ARMC3: variants seen among roughly 807,000 people sequenced by gnomAD.
The protein encoded by ARMC3 is armadillo repeat-containing protein 3.
Under a neutral mutation model 90.3 loss-of-function variants are expected in ARMC3, and 74 were observed. The ratio of observed to expected loss-of-function variants is 0.82; its 90% CI spans 0.68 to 0.99. The LOEUF is 0.99. Among genes scored for constraint, ARMC3 ranks in the 50% least tolerant of loss-of-function variants. ARMC3 has a pLI of 0.00. For missense variants in ARMC3, 958 were observed against 1,042.8 expected (o/e 0.92, Z 1.12); for synonymous variants, 334 against 361.8 (o/e 0.92, Z 0.87).
chr10:22,981,394 T>C lies in ARMC3; in HGVS notation c.971T>C (p.Leu324Pro), dbSNP rs902928866. The change falls in exon 9 of 19, where the codon CTT becomes CCT. Residue 324 changes from leucine to proline, a missense_variant. Coordinates refer to ENST00000298032, the MANE Select transcript of ARMC3 (RefSeq NM_173081.5). ...EQEVEKCLVA[L>P]LGSENDGTKI... The stretch of plus-strand genomic sequence containing the variant: ...GAGGTTGAAAAGTGCCTTGTAGCCC[T>C]TTTGGGTTCTGAAAATGATGGAACT... 2.5e-6 allele frequency: 4 copies of C among 1,613,568 alleles called. No homozygotes were observed. The highest frequency in any genetic ancestry group is 3.4e-6 in the Non-Finnish European group (4 of 1,179,792).
rs1836713878 is a variant in ARMC3, at chr10:22,991,657, G to A, written c.1176-6491G>A. 4.6e-5 allele frequency among the ~76,000 whole-genome samples: 7 copies of A among 152,270 alleles called. No individual in the cohort carries two copies. The Middle Eastern group carries it at 0.02, about 444-fold the overall frequency. ...TTACAGTATAGGTAAACTTCAAACA[G>A]CACAATGTGGAAAGAGGGCCATGGC... On this transcript the variant is annotated intron_variant, in intron 10 of 18. Transcript: ENST00000298032.
chr10:23,031,767 A>G (rs903120621), intron 17 of ARMC3, among the ~76,000 whole-genome samples: 1 of 152,128 alleles, frequency 6.6e-6, no homozygotes, highest in Non-Finnish European at 1.5e-5. Context: ...GGCCACACCA[A>G]GATACAAAGA....
At chr10:22,970,383 G>A (rs930874733) in intron 8 of ARMC3, among the ~76,000 whole-genome samples, 15 of 152,212 alleles carry the variant, frequency 9.9e-5, no homozygotes, top group African/African-American at 2.9e-4. Context: ...AGAACACTGA[G>A]CGCTCAGGCT....
chr10:22,967,269 A>G (rs907463490), intron 7 of ARMC3, among the ~76,000 whole-genome samples: 8 of 152,182 alleles, frequency 5.3e-5, no homozygotes, highest in Admixed American at 4.6e-4. Context: ...TCATATAAAA[A>G]GTACTTTCAC....
chr10:23,037,511 A>C lies in ARMC3; in HGVS notation c.*32A>C. On this transcript the variant is annotated 3_prime_UTR_variant, in exon 19 of 19. Coordinates refer to ENST00000298032, the MANE Select transcript of ARMC3 (RefSeq NM_173081.5). ...AGACGAACACAAGAGAGGCTCAAAC[A>C]AGAAATTCACTGTGTACACTCTCTA... The C allele has an allele frequency of 6.3e-7, 1 of 1,575,798 alleles. No homozygotes were observed. Among genetic ancestry groups the C allele is most frequent in the Non-Finnish European group, 8.7e-7 (1 of 1,151,948 alleles).
At position 22,931,984 on chromosome 10, in the gene ARMC3, A is replaced by G; in HGVS notation, c.-1-12A>G. 2 of 1,603,044 alleles carry G rather than the reference A, an allele frequency of 1.2e-6. No individual in the cohort carries two copies. Among genetic ancestry groups the G allele is most frequent in the Non-Finnish European group, 1.7e-6 (2 of 1,174,578 alleles). ...AAATGTCACTTTAACCATATATTGC[A>G]TCTTTTTCCAGGATGGGTAAAAAGA... On this transcript the variant is annotated splice_polypyrimidine_tract_variant and intron_variant, in intron 1 of 18. Coordinates refer to ENST00000298032, the MANE Select transcript of ARMC3 (RefSeq NM_173081.5).
intron 7 of ARMC3, among the ~76,000 whole-genome samples, chr10:22,963,975 G>A (rs938411814): frequency 9.0e-5 from 12 of 133,816 alleles, no homozygotes; most frequent in East Asian, 7.0e-4. Flanking sequence ...AAAGGAAGCC[G>A]TAAAACTGTA....
At chr10:23,015,186 A>C (rs1000931496) in intron 16 of ARMC3, among the ~76,000 whole-genome samples, 12 of 152,098 alleles carry the variant, frequency 7.9e-5, no homozygotes, top group Non-Finnish European at 1.6e-4. Flanking sequence ...TTTCCTGATG[A>C]ATCTCATTAC....
Position 23,015,185 on chromosome 10 carries a change from G to A in ARMC3, c.2045+6254G>A, listed in dbSNP as rs148222445. 1.4e-3 allele frequency among the ~76,000 whole-genome samples: 217 copies of A among 152,224 alleles called. 1 individual carries two copies. Among genetic ancestry groups the A allele is most frequent in the African/African-American group, 5.1e-3 (212 of 41,544 alleles). ...GAAGTACGGATTTCTTTTTCCTGAT[G>A]AATCTCATTACCATGCAGCATGTAA... is the stretch of plus-strand genomic sequence containing the variant. On this transcript the variant is annotated intron_variant, in intron 16 of 18. Transcript: ENST00000298032.
Position 23,003,226 on chromosome 10 carries a change from C to A in ARMC3, c.1563-20C>A. The A allele has an allele frequency of 6.2e-7, 1 of 1,601,884 alleles. No homozygotes were observed. The highest frequency in any genetic ancestry group is 8.5e-7 in the Non-Finnish European group (1 of 1,174,106). On this transcript the variant is annotated intron_variant, in intron 12 of 18. Coordinates refer to ENST00000298032, the MANE Select transcript of ARMC3 (RefSeq NM_173081.5). ...GATGGCTTGTATAAAGCAAATAATGCTTTTTGCTTTTATTGACAGGGCTTT... is the reference window on the plus strand; with the variant it reads ...GATGGCTTGTATAAAGCAAATAATGATTTTTGCTTTTATTGACAGGGCTTT...
chr10:23,009,011 T>A, intron 16 of ARMC3, 80 bp downstream of exon 16: 1 of 1,145,870 alleles, frequency 8.7e-7, no homozygotes, highest in Non-Finnish European at 1.3e-6. Context: ...GAAGCTTTCT[T>A]CTGACATCAG....
intron 2 of ARMC3, among the ~76,000 whole-genome samples, chr10:22,944,822 C>T (rs939771815): frequency 6.6e-6 from 1 of 152,180 alleles, no homozygotes; most frequent in Admixed American, 6.5e-5. Flanking sequence ...CCCAGCCATT[C>T]CTCTTTGCTC....
At chr10:22,953,220 G>T (rs913188693) in intron 3 of ARMC3, among the ~76,000 whole-genome samples, 1 of 152,142 alleles carries the variant, frequency 6.6e-6, no homozygotes, top group African/African-American at 2.4e-5. Context: ...ACCTGGAAAA[G>T]AAAAGGAAAT....
rs140051617 is a variant in ARMC3, at chr10:23,020,239, T to C, written c.2046-10357T>C. Among the ~76,000 whole-genome samples the C allele has an allele frequency of 9.0e-3, 1,371 of 152,238 alleles. 23 individuals are homozygous for C. The highest frequency in any genetic ancestry group is 0.031 in the African/African-American group (1,299 of 41,560). ...CGCCTCCCAGTTCAGGCAATTCTCC[T>C]GCTTTAGCCTCCCGAGTAGCTGGGA... On this transcript the variant is annotated intron_variant, in intron 16 of 18. Transcript: ENST00000298032.
chr10:22,969,517 C>T (rs915958882), intron 8 of ARMC3, among the ~76,000 whole-genome samples: 1 of 152,162 alleles, frequency 6.6e-6, no homozygotes, highest in African/African-American at 2.4e-5. Context: ...AGCTTTAATG[C>T]AGTAAGCAAG....
At chr10:23,028,659 G>A (rs569282657) in intron 16 of ARMC3, among the ~76,000 whole-genome samples, 3 of 152,158 alleles carry the variant, frequency 2.0e-5, no homozygotes, top group African/African-American at 4.8e-5. Context: ...TCTGTGGATT[G>A]TCATTCCCAT....
intron 16 of ARMC3, among the ~76,000 whole-genome samples, chr10:23,017,022 T>G (rs191704573): frequency 4.0e-4 from 61 of 152,330 alleles, no homozygotes; most frequent in African/African-American, 1.3e-3. Context: ...CTTCCTAGTA[T>G]TGGTTTCTAA....
chr10:22,964,407 A>G (rs1835358976), intron 7 of ARMC3, among the ~76,000 whole-genome samples: 2 of 150,544 alleles, frequency 1.3e-5, no homozygotes, highest in Admixed American at 1.3e-4. Flanking sequence ...GTTTTATTCC[A>G]CAGTTCCTCT....
At chr10:22,967,697 A>G (rs1330362706) in intron 7 of ARMC3, among the ~76,000 whole-genome samples, 1 of 152,234 alleles carries the variant, frequency 6.6e-6, no homozygotes, top group Non-Finnish European at 1.5e-5. Context: ...GATGGTGGGA[A>G]ACATGGTAAA....
Sources: allele counts gnomAD v4.1 joint callset (sites outside exome capture counted in the v4.1 genomes callset), GRCh38; gene constraint gnomAD v4.1.1; transcripts MANE v1.5; gene names NCBI Gene and HGNC (gene_info 2026-07-23, HGNC 2026-07-21).